The following LRRC28 variants were observed in gnomAD, a reference collection of about 807,000 sequenced individuals.
LRRC28 encodes the protein leucine-rich repeat-containing protein 28.
A neutral mutation model predicts 45.7 loss-of-function variants in LRRC28; 39 were observed. The observed-to-expected ratio is 0.85, with a 90% CI of 0.66 to 1.12. LRRC28 has a LOEUF of 1.12. Ranked by LOEUF, LRRC28 falls within the 50% of genes most tolerant of loss-of-function variation. The probability of loss-of-function intolerance (pLI) is 0.00; values close to 1 mark genes in which losing one functional copy is unlikely to be tolerated. For synonymous variants in LRRC28, 206 were observed against 178.8 expected (o/e 1.15, Z -1.22); for missense variants, 435 against 438.5 (o/e 0.99, Z 0.07).
chr15:99,358,464 A>G (rs138642066), intron 7 of LRRC28, among the ~76,000 whole-genome samples: 68 of 152,048 alleles, frequency 4.5e-4, no homozygotes, highest in African/African-American at 1.6e-3. Flanking sequence ...ATTGAATGAT[A>G]ACTGAGAATT....
At chr15:99,309,692 C>A (rs768664347) in intron 5 of LRRC28, among the ~76,000 whole-genome samples, 7 of 152,164 alleles carry the variant, frequency 4.6e-5, no homozygotes, top group Non-Finnish European at 2.9e-5. Context: ...CAGGTGTGAA[C>A]CACCACGCCC....
At position 99,306,074 on chromosome 15, in the gene LRRC28, C is replaced by T. The variant is rs1384292731; in HGVS notation, c.385+18123C>T. Among the ~76,000 whole-genome samples the T allele has an allele frequency of 2.0e-5, 3 of 152,138 alleles. No individual in the cohort carries two copies. In the East Asian group the frequency reaches 5.8e-4, roughly 29 times the overall value. ...TTCATTTAATTATTTCTTAGTATTG[C>T]ACAATATTAGGCTACATTGCCTTGG... On this transcript the variant is annotated intron_variant, in intron 5 of 9. Transcript: ENST00000301981.
chr15:99,377,517 C>A (rs1378898904), intron 9 of LRRC28, among the ~76,000 whole-genome samples: 1 of 152,182 alleles, frequency 6.6e-6, no homozygotes, highest in Non-Finnish European at 1.5e-5. Context: ...ATGGTAGTTT[C>A]TTTTGCTGTG....
chr15:99,264,674 A>T (rs1290124939), intron 2 of LRRC28, among the ~76,000 whole-genome samples: 1 of 152,188 alleles, frequency 6.6e-6, no homozygotes, highest in Non-Finnish European at 1.5e-5. Context: ...GTGATATGGG[A>T]TGGGCATAGT....
intron 3 of LRRC28, chr15:99,284,625 A>G (rs2081907202): frequency 7.8e-6 from 4 of 512,338 alleles, no homozygotes; most frequent in South Asian, 5.6e-5. Flanking sequence ...AGTAATTAAA[A>G]TCTTCTGACA....
intron 3 of LRRC28, among the ~76,000 whole-genome samples, chr15:99,284,352 CA>C (rs34704396): frequency 0.1 from 14,568 of 146,342 alleles, 983 homozygotes; most frequent in East Asian, 0.32. Flanking sequence ...AGCATGAGTG[CA>C]AAAAAAAAAA....
chr15:99,363,492 T>C, intron 9 of LRRC28: 1 of 360,780 alleles, frequency 2.8e-6, no homozygotes, highest in Non-Finnish European at 5.0e-6. Context: ...TTGTATATAT[T>C]ATTTAGAGGA....
At chr15:99,323,672 A>G (rs1396699040) in intron 5 of LRRC28, among the ~76,000 whole-genome samples, 1 of 152,232 alleles carries the variant, frequency 6.6e-6, no homozygotes, top group East Asian at 1.9e-4. Context: ...TTTGATAATA[A>G]AAAACTTCAT....
intron 5 of LRRC28, among the ~76,000 whole-genome samples, chr15:99,309,642 C>T (rs1388745418): frequency 2.0e-5 from 3 of 152,130 alleles, no homozygotes; most frequent in Admixed American, 6.5e-5. Flanking sequence ...CTCCTGACTT[C>T]GTGATCTGCC....
chr15:99,308,164 A>G (rs923574806), intron 5 of LRRC28, among the ~76,000 whole-genome samples: 1 of 152,204 alleles, frequency 6.6e-6, no homozygotes, highest in Non-Finnish European at 1.5e-5. Context: ...TTTTACCAAC[A>G]GGGCAGGTTT....
At chr15:99,310,638 A>C (rs1955370528) in intron 5 of LRRC28, among the ~76,000 whole-genome samples, 1 of 152,370 alleles carries the variant, frequency 6.6e-6, no homozygotes, top group African/African-American at 2.4e-5. Context: ...CAATAAACCA[A>C]ATCGAGGGTG....
intron 5 of LRRC28, among the ~76,000 whole-genome samples, chr15:99,313,150 A>G (rs1484964726): frequency 6.6e-6 from 1 of 152,168 alleles, no homozygotes; most frequent in Non-Finnish European, 1.5e-5. Context: ...AATAACAGAC[A>G]CAATACACTT....
intron 9 of LRRC28, among the ~76,000 whole-genome samples, chr15:99,375,760 T>C (rs1357155954): frequency 6.6e-6 from 1 of 152,162 alleles, no homozygotes; most frequent in East Asian, 1.9e-4. Flanking sequence ...TATAAAGTTG[T>C]CCCTGGTATT....
At chr15:99,336,816 C>T (rs554612248) in intron 6 of LRRC28, among the ~76,000 whole-genome samples, 41 of 152,326 alleles carry the variant, frequency 2.7e-4, no homozygotes, top group Non-Finnish European at 4.6e-4. Context: ...AGCAGAACTC[C>T]TGGTTCCTTA....
intron 5 of LRRC28, among the ~76,000 whole-genome samples, chr15:99,296,529 C>T (rs1177527929): frequency 1.3e-5 from 2 of 152,194 alleles, no homozygotes; most frequent in East Asian, 1.9e-4. Context: ...AACTAGCTAG[C>T]ACTTCTCTCA....
intron 6 of LRRC28, among the ~76,000 whole-genome samples, chr15:99,336,885 A>C (rs532629233): frequency 2.0e-5 from 3 of 152,168 alleles, no homozygotes; most frequent in Admixed American, 2.0e-4. Flanking sequence ...TCCATTACAT[A>C]TCCTTTGTCT....
intron 5 of LRRC28, among the ~76,000 whole-genome samples, chr15:99,289,914 T>C (rs1597251699): frequency 9.3e-6 from 1 of 107,336 alleles, no homozygotes; most frequent in African/African-American, 3.7e-5. Context: ...CAGTCCGGCC[T>C]GGGCGACAGA....
chr15:99,328,798 A>G (rs1450550738), intron 5 of LRRC28, among the ~76,000 whole-genome samples: 1 of 150,808 alleles, frequency 6.6e-6, no homozygotes, highest in Admixed American at 6.6e-5. Context: ...TCCAGGTTTG[A>G]CATCCTTTGG....
chr15:99,384,154 A>G (rs963319573), intron 9 of LRRC28: 3 of 152,206 alleles, frequency 2.0e-5, no homozygotes, highest in African/African-American at 7.2e-5. Context: ...TTGGCCCTAG[A>G]GGCGATGAGT....
Sources: gnomAD v4.1 joint callset for allele counts (sites outside exome capture counted in the v4.1 genomes callset) on GRCh38, gnomAD v4.1.1 for gene constraint, MANE v1.5 for transcripts, NCBI Gene and HGNC (gene_info 2026-07-23, HGNC 2026-07-21) for gene names.